TEX11: variants seen among roughly 807,000 people sequenced by gnomAD.
TEX11 encodes the protein testis-expressed protein 11.
A neutral mutation model predicts 84.4 loss-of-function variants in TEX11; 7 were observed. The observed-to-expected ratio is 0.08, with a 90% CI of 0.05 to 0.16. TEX11 has a LOEUF of 0.16. Among genes scored for constraint, TEX11 ranks in the 10% least tolerant of loss-of-function variants. The pLI, the probability that TEX11 is intolerant of heterozygous loss-of-function variation, is 1.00. For synonymous variants in TEX11, 264 were observed against 222.8 expected (o/e 1.18, Z -1.64); for missense variants, 551 against 660.5 (o/e 0.83, Z 1.82).
At chrX:70,520,942 C>T in the TEX11 span, among the ~76,000 whole-genome samples, 16 of 112,426 alleles carry the variant, frequency 1.4e-4, no homozygotes, top group African/African-American at 5.2e-4. Flanking sequence ...ACCTGCCGAG[C>T]CAGGCACGGG....
At chrX:70,885,690 G>A (rs1430412756) in intron 2 of TEX11, among the ~76,000 whole-genome samples, 1 of 110,266 alleles carries the variant, frequency 9.1e-6, no homozygotes, top group Non-Finnish European at 1.9e-5. Context: ...TCAGGAGTTC[G>A]AGACCAGCCT....
At chrX:70,632,876 A>G (rs761408800) in intron 17 of TEX11, among the ~76,000 whole-genome samples, 9 of 112,050 alleles carry the variant, frequency 8.0e-5, no homozygotes, top group South Asian at 3.8e-4. Flanking sequence ...AATAAATAAT[A>G]GATAACTTGA....
At chrX:70,541,373 G>T (rs2088041578) in intron 28 of TEX11, among the ~76,000 whole-genome samples, 1 of 111,386 alleles carries the variant, frequency 9.0e-6, no homozygotes, top group Non-Finnish European at 1.9e-5. Flanking sequence ...CTATACAAAG[G>T]AAACATGAGG....
intron 3 of TEX11, among the ~76,000 whole-genome samples, chrX:70,874,560 C>G (rs954651620): frequency 4.7e-5 from 5 of 107,489 alleles, no homozygotes; most frequent in African/African-American, 1.4e-4. Context: ...CACCATAATG[C>G]CTGGCTAATT....
intron 17 of TEX11, among the ~76,000 whole-genome samples, chrX:70,630,086 G>A (rs934873304): frequency 9.0e-6 from 1 of 111,621 alleles, no homozygotes; most frequent in African/African-American, 3.3e-5. Flanking sequence ...GCCGAGGAGG[G>A]TGGATCGCGA....
chrX:70,721,563 C>G (rs1569418799), intron 13 of TEX11, among the ~76,000 whole-genome samples: 1 of 111,906 alleles, frequency 8.9e-6, no homozygotes, highest in Non-Finnish European at 1.9e-5. Flanking sequence ...TTGCTGTTAA[C>G]CTGGAGATTA....
chrX:70,538,920 G>T (rs2087996897), intron 28 of TEX11, among the ~76,000 whole-genome samples: 1 of 103,635 alleles, frequency 9.6e-6, no homozygotes, highest in Admixed American at 1.1e-4. Flanking sequence ...GCAGAAGTAG[G>T]AACTGAGATG....
rs1556240646 is a variant in TEX11 at position 70,897,187 on chromosome X, A to AATATATGTTATATATTATATATATATAAC, written c.37+10537_37+10565dup. On this transcript the variant is annotated intron_variant, in intron 2 of 29. Transcript: ENST00000374333. ...ATATTTTTATATATATGTTATATATAATATATGTTATATATTATATATATA... is the reference window on the plus strand; with the variant it reads ...ATATTTTTATATATATGTTATATATAATATATGTTATATATTATATATATATAACATATATGTTATATATTATATATATA... Among the ~76,000 whole-genome samples, 8 of 46,640 alleles carry AATATATGTTATATATTATATATATATAAC rather than the reference A, an allele frequency of 1.7e-4. No individual in the cohort carries two copies. The East Asian group carries it at 3.3e-3, about 19-fold the overall frequency. 40.5% of individuals were successfully genotyped at this position (46,640 alleles called of 115,157 possible). A position where few individuals can be genotyped will look rare whatever the true frequency, so the allele number is the denominator to read the frequency against.
chrX:70,743,185 T>C (rs1159147032), intron 10 of TEX11, among the ~76,000 whole-genome samples: 1 of 112,299 alleles, frequency 8.9e-6, no homozygotes, highest in African/African-American at 3.2e-5. Flanking sequence ...CGTAGTCTCC[T>C]CACAGTTAAC....
chrX:70,905,247 C>T (rs150736163), intron 2 of TEX11, among the ~76,000 whole-genome samples: 1,187 of 111,119 alleles, frequency 0.011, 13 homozygotes, highest in African/African-American at 0.036. Flanking sequence ...TGCTTGAACC[C>T]GGGAGGCGTG....
At chrX:70,675,260 C>T (rs193111006) in intron 15 of TEX11, among the ~76,000 whole-genome samples, 12 of 112,453 alleles carry the variant, frequency 1.1e-4, no homozygotes, top group African/African-American at 3.5e-4. Flanking sequence ...TGTATAGATT[C>T]ATATTTCCAT....
At chrX:70,646,881 G>C (rs1449141880) in intron 17 of TEX11, among the ~76,000 whole-genome samples, 1 of 111,551 alleles carries the variant, frequency 9.0e-6, no homozygotes, top group Non-Finnish European at 1.9e-5. Flanking sequence ...CTACGTAGTA[G>C]AATATAAAAA....
intron 9 of TEX11, among the ~76,000 whole-genome samples, chrX:70,801,576 C>A (rs1345945252): frequency 9.0e-6 from 1 of 111,296 alleles, no homozygotes; most frequent in East Asian, 2.8e-4. Context: ...TGAATGCTCT[C>A]TTTTTCCTTT....
chrX:70,582,400 A>G (rs1276670457), intron 25 of TEX11, among the ~76,000 whole-genome samples: 2 of 112,002 alleles, frequency 1.8e-5, no homozygotes, highest in African/African-American at 3.2e-5. Flanking sequence ...CCTGGTTTAA[A>G]CCTAGGTCTG....
chrX:70,679,840 G>GC (rs1161388312), intron 14 of TEX11, among the ~76,000 whole-genome samples: 2 of 95,849 alleles, frequency 2.1e-5, no homozygotes, highest in Non-Finnish European at 4.2e-5. Context: ...GGAGGGGTCA[G>GC]CCCCCCGCCC....
At chrX:70,840,923 GAACT>G (rs2091439348) in intron 7 of TEX11, among the ~76,000 whole-genome samples, 1 of 110,682 alleles carries the variant, frequency 9.0e-6, no homozygotes, top group Admixed American at 9.6e-5. Context: ...TCAACAAGAA[GAACT>G]AACTATCCTA....
intron 7 of TEX11, among the ~76,000 whole-genome samples, chrX:70,844,717 C>T (rs1352418497): frequency 1.8e-5 from 2 of 111,255 alleles, no homozygotes; most frequent in Non-Finnish European, 3.8e-5. Flanking sequence ...GCCAGGAGCT[C>T]GAGACCGGCC....
chrX:70,529,249 A>G, intron 29 of TEX11, 62 bp from the exon 30 acceptor site: 1 of 877,985 alleles, frequency 1.1e-6, no homozygotes, highest in South Asian at 2.2e-5. Context: ...AAAGCTTCCC[A>G]GACCCACGGT....
chrX:70,529,339 G>A (rs757002162), intron 29 of TEX11, 152 bp from the exon 30 acceptor site: 6 of 439,393 alleles, frequency 1.4e-5, no homozygotes, highest in Non-Finnish European at 2.4e-5. Context: ...CCTCTCTTGA[G>A]GAAAAGGAAT....
Sources: gnomAD v4.1 joint callset for allele counts (sites outside exome capture counted in the v4.1 genomes callset) on GRCh38, gnomAD v4.1.1 for gene constraint, MANE v1.5 for transcripts, NCBI Gene and HGNC (gene_info 2026-07-23, HGNC 2026-07-21) for gene names.